The following ARID4B variants were observed in gnomAD, a reference collection of about 807,000 sequenced individuals.
The protein encoded by ARID4B is AT-rich interaction domain 4B.
A neutral mutation model predicts 147.5 loss-of-function variants in ARID4B; 26 were observed. That is an observed-to-expected ratio of 0.18 (90% CI 0.13 to 0.24). The LOEUF is 0.24. Among genes scored for constraint, ARID4B ranks in the 10% least tolerant of loss-of-function variants. The probability of loss-of-function intolerance (pLI) is 1.00; values close to 1 mark genes in which losing one functional copy is unlikely to be tolerated. For missense variants in ARID4B, 1,179 were observed against 1,511.5 expected, an observed-to-expected ratio of 0.78 and a Z score of 3.65; for synonymous variants, 512 against 507.9, an observed-to-expected ratio of 1.01 and a Z score of -0.11.
chr1:235,238,039 G>A (rs925561783), intron 8 of ARID4B, among the ~76,000 whole-genome samples: 1 of 151,556 alleles, frequency 6.6e-6, no homozygotes, highest in Non-Finnish European at 1.5e-5. Flanking sequence ...AGCTACTCGG[G>A]AGGCTGAGGC....
intron 2 of ARID4B, among the ~76,000 whole-genome samples, chr1:235,293,276 T>C (rs1305267408): frequency 6.6e-6 from 1 of 152,220 alleles, no homozygotes; most frequent in East Asian, 1.9e-4. Flanking sequence ...TATTTTTTAC[T>C]ATATTTTAAA....
chr1:235,291,238 T>TA (rs754337180), intron 2 of ARID4B, among the ~76,000 whole-genome samples: 50 of 149,566 alleles, frequency 3.3e-4, no homozygotes, highest in Middle Eastern at 3.5e-3. Context: ...CTACTAAAAA[T>TA]AAAAAAAATT....
chr1:235,182,898 G>T (rs975861524), intron 19 of ARID4B, 105 bp from the exon 20 acceptor site: 2 of 1,127,006 alleles, frequency 1.8e-6, no homozygotes, highest in Non-Finnish European at 2.4e-6. Flanking sequence ...ACAGCCACCC[G>T]AGGTTGCTGG....
chr1:235,319,184 C>T (rs1369043719), intron 2 of ARID4B, among the ~76,000 whole-genome samples: 1 of 152,178 alleles, frequency 6.6e-6, no homozygotes, highest in African/African-American at 2.4e-5. Flanking sequence ...GATGGATGCA[C>T]AAACTTGTGA....
intron 19 of ARID4B, among the ~76,000 whole-genome samples, chr1:235,185,634 C>A (rs563620570): frequency 1.3e-5 from 2 of 152,304 alleles, no homozygotes; most frequent in South Asian, 2.1e-4. Flanking sequence ...TAAAAAGGTA[C>A]ATGGGATATA....
In ARID4B at chr1:235,265,162, G is replaced by C. The variant is rs558773755; in HGVS notation, c.7-4410C>G. ...AGGTGGATCACGAGGTCAGGCATTC[G>C]AGACCAGCCTGGCCAACATGGTGAA... On this transcript the variant is annotated intron_variant, in intron 2 of 23. Coordinates refer to ENST00000264183, the MANE Select transcript of ARID4B (RefSeq NM_016374.6). Among the ~76,000 whole-genome samples the C allele has an allele frequency of 2.0e-5, 3 of 150,004 alleles. No homozygotes were observed. The Admixed American group carries it at 2.0e-4, about 10-fold the overall frequency.
chr1:235,220,374 C>A lies in ARID4B; in HGVS notation c.1335G>T (p.Arg445Ser), dbSNP rs1287861617. ...GCTTTTCTTCTCTTGGTATTATATT[C>A]CTCTCCTCCTCCATCTTTATTTCTT... ...EIKEIKMEEE[R>S]NIIPREEKPI... The change falls in exon 15 of 24, where the codon AGG becomes AGT. Residue 445 changes from arginine (R) to serine (S), a missense_variant. Coordinates refer to ENST00000264183, the MANE Select transcript of ARID4B (RefSeq NM_016374.6). 6.2e-7 allele frequency: 1 copy of A among 1,608,618 alleles called. No homozygotes were observed. Among genetic ancestry groups the A allele is most frequent in the Non-Finnish European group, 8.5e-7 (1 of 1,175,710 alleles).
intron 17 of ARID4B, among the ~76,000 whole-genome samples, chr1:235,204,787 A>C (rs1055931353): frequency 3.3e-5 from 5 of 152,352 alleles, no homozygotes; most frequent in African/African-American, 9.6e-5. Context: ...TACTTAGACA[A>C]AAATATCAAT....
Position 235,271,156 on chromosome 1 carries a change from G to A in ARID4B, c.7-10404C>T, listed in dbSNP as rs181594405. The stretch of plus-strand genomic sequence containing the variant: ...TCACTTGAGCCCAGGAGTTTGAGAC[G>A]AGCCTGGGCAACATAGCGAGACTTC... On this transcript the variant is annotated intron_variant, in intron 2 of 23. Transcript: ENST00000264183. Among the ~76,000 whole-genome samples the A allele has an allele frequency of 2.6e-5, 4 of 151,988 alleles. No homozygotes were observed. In the East Asian group the frequency reaches 7.8e-4, roughly 29 times the overall value.
chr1:235,230,321 G>A lies in ARID4B; in HGVS notation c.742+792C>T, dbSNP rs548352712. On this transcript the variant is annotated intron_variant, in intron 10 of 23. Coordinates refer to ENST00000264183, the MANE Select transcript of ARID4B (RefSeq NM_016374.6). ...CCCAGCTACTTGGGAGACTGAGGCA[G>A]GACAATCGCTTGAACCCGGGAGGTG... 2.6e-4 allele frequency among the ~76,000 whole-genome samples: 39 copies of A among 151,920 alleles called. No individual in the cohort carries two copies. The South Asian group carries it at 7.9e-3, about 31-fold the overall frequency.
chr1:235,296,069 C>A, intron 2 of ARID4B: 1 of 164,836 alleles, frequency 6.1e-6, no homozygotes, highest in South Asian at 1.6e-4. Flanking sequence ...GAAGACTGGT[C>A]CAGTCCAGGA....
intron 20 of ARID4B, among the ~76,000 whole-genome samples, chr1:235,178,492 T>A (rs1051205069): frequency 6.6e-6 from 1 of 151,996 alleles, no homozygotes; most frequent in Non-Finnish European, 1.5e-5. Context: ...CTAAAAAACG[T>A]CTCATCTTCT....
intron 2 of ARID4B, among the ~76,000 whole-genome samples, chr1:235,293,599 G>A (rs535310922): frequency 5.9e-5 from 9 of 151,744 alleles, no homozygotes; most frequent in Non-Finnish European, 1.3e-4. Flanking sequence ...TCAAACCTAG[G>A]TTAAGTCAAG....
chr1:235,207,235 T>C (rs1666363986), intron 17 of ARID4B, among the ~76,000 whole-genome samples: 1 of 152,188 alleles, frequency 6.6e-6, no homozygotes, highest in Non-Finnish European at 1.5e-5. Flanking sequence ...TGTGAAGACA[T>C]AAGCAGCAGT....
chr1:235,266,955 GAAAAC>G (rs1434143455), intron 2 of ARID4B, among the ~76,000 whole-genome samples: 5 of 152,214 alleles, frequency 3.3e-5, no homozygotes, highest in African/African-American at 1.2e-4. Flanking sequence ...AGAAGAATCA[GAAAAC>G]AAGAGTATTA....
Position 235,220,460 on chromosome 1 carries a change from A to G in ARID4B, c.1249T>C (p.Cys417Arg), listed in dbSNP as rs781655482. Residue 417 changes from cysteine (C) to arginine (R), a missense_variant, in exon 15 of 24, where the codon TGT becomes CGT. Cys to Arg is a radical substitution (Grantham distance 180). Around this residue, in one of 10 missense-constraint regions of ARID4B, gnomAD observed 204 missense variants for 210.9 expected, o/e 0.97. Transcript: ENST00000264183. The stretch of plus-strand genomic sequence containing the variant: ...TCTTTTACATTTTCACACTCCTTAC[A>G]TTGCTTGTTAACAACTTTCTCTGGC... ...ALPEKVVNKQ[C>R]KECENVKEIK... 2.0e-5 allele frequency: 32 copies of G among 1,612,444 alleles called. No individual in the cohort carries two copies. The African/African-American group carries it at 2.7e-4, about 13-fold the overall frequency.
At chr1:235,180,770 C>T (rs1291033903) in intron 20 of ARID4B, 5 of 152,158 alleles carry the variant, frequency 3.3e-5, no homozygotes, top group Admixed American at 2.6e-4. Flanking sequence ...ATATAAAAAA[C>T]ATACTCCAGT....
chr1:235,321,869 T>A (rs1220898245), intron 2 of ARID4B, among the ~76,000 whole-genome samples: 2 of 151,878 alleles, frequency 1.3e-5, no homozygotes, highest in Non-Finnish European at 2.9e-5. Flanking sequence ...TTCAGGCCCT[T>A]ATTCATTTTC....
intron 2 of ARID4B, among the ~76,000 whole-genome samples, chr1:235,310,967 G>A (rs111627949): frequency 9.2e-5 from 14 of 152,106 alleles, no homozygotes; most frequent in Middle Eastern, 3.4e-3. Context: ...CACCGCACCC[G>A]GCCCCCAAAA....
Sources: allele counts gnomAD v4.1 joint callset (sites outside exome capture counted in the v4.1 genomes callset), GRCh38; gene constraint gnomAD v4.1.1; regional missense constraint gnomAD v4.1.1; transcripts MANE v1.5; gene names NCBI Gene and HGNC (gene_info 2026-07-23, HGNC 2026-07-21).